The following NFAM1 variants were observed in gnomAD, a reference collection of about 807,000 sequenced individuals.
The protein encoded by NFAM1 is NFAT activation molecule 1.
In NFAM1, 17 loss-of-function variants were observed where a neutral mutation model predicts 29.0. The ratio of observed to expected loss-of-function variants is 0.59; its 90% CI spans 0.40 to 0.88. The LOEUF is 0.88. Among genes scored for constraint, NFAM1 ranks in the 40% least tolerant of loss-of-function variants. The pLI is 0.00. For missense variants in NFAM1, 324 were observed against 344.6 expected, an observed-to-expected ratio of 0.94 and a Z score of 0.47; for synonymous variants, 175 against 147.2, an observed-to-expected ratio of 1.19 and a Z score of -1.36.
chr22:42,428,165 G>A (rs932224826), intron 1 of NFAM1, among the ~76,000 whole-genome samples: 34 of 152,284 alleles, frequency 2.2e-4, no homozygotes, highest in Admixed American at 6.5e-4. Context: ...TTCCCCTGCC[G>A]TCAAGCTGAG....
chr22:42,435,777 C>T (rs149659442), upstream of NFAM1, among the ~76,000 whole-genome samples: 647 of 151,800 alleles, frequency 4.3e-3, 3 homozygotes, highest in African/African-American at 0.014. Context: ...AAACAGATCC[C>T]CTACCCACGA....
chr22:42,412,147 G>T (rs534670033), intron 1 of NFAM1, among the ~76,000 whole-genome samples: 1 of 151,914 alleles, frequency 6.6e-6, no homozygotes, highest in African/African-American at 2.4e-5. Flanking sequence ...CAGGAGAATC[G>T]CTTGAACCTG....
chr22:42,422,822 T>C (rs1406534132), intron 1 of NFAM1, among the ~76,000 whole-genome samples: 1 of 151,546 alleles, frequency 6.6e-6, no homozygotes, highest in Non-Finnish European at 1.5e-5. Flanking sequence ...CAAAATGAAG[T>C]GAGGGGAACA....
At chr22:42,411,854 T>A in intron 1 of NFAM1, 118 bp from the exon 2 acceptor site, 1 of 686,068 alleles carries the variant, frequency 1.5e-6, no homozygotes, top group Non-Finnish European at 2.5e-6. Flanking sequence ...TTCCAACACT[T>A]TGGGAGGCCG....
intron 4 of NFAM1, among the ~76,000 whole-genome samples, chr22:42,393,093 G>T (rs1929398949): frequency 6.6e-6 from 1 of 151,936 alleles, no homozygotes. Context: ...AAAACAAATT[G>T]AAGTAGTAAA....
At chr22:42,396,453 T>C (rs1929528181) in intron 4 of NFAM1, among the ~76,000 whole-genome samples, 1 of 151,954 alleles carries the variant, frequency 6.6e-6, no homozygotes, top group African/African-American at 2.4e-5. Flanking sequence ...TGGAAGAAGA[T>C]GGGATTAGGA....
intron 2 of NFAM1, 104 bp downstream of exon 2, chr22:42,411,303 G>T: frequency 1.1e-6 from 1 of 876,130 alleles, no homozygotes; most frequent in Non-Finnish European, 1.8e-6. Flanking sequence ...GGATGTGTGA[G>T]CCACTGCGCC....
intron 4 of NFAM1, 60 bp downstream of exon 4, chr22:42,397,798 A>G (rs1646728718): frequency 1.1e-6 from 1 of 947,006 alleles, no homozygotes; most frequent in Non-Finnish European, 1.7e-6. Flanking sequence ...ACCCTGGTAC[A>G]AGACAGACTC....
chr22:42,389,054 C>G (rs13055337), intron 4 of NFAM1, among the ~76,000 whole-genome samples: 31,309 of 152,148 alleles, frequency 0.21, 3,739 homozygotes, highest in African/African-American at 0.33. Flanking sequence ...CCTTCTAAGT[C>G]TCACAGATCT....
intron 1 of NFAM1, among the ~76,000 whole-genome samples, chr22:42,431,796 C>T (rs1221436343): frequency 1.3e-5 from 2 of 150,532 alleles, no homozygotes; most frequent in Admixed American, 6.6e-5. Context: ...CCCCTCTCCC[C>T]GCTCTCCCTG....
At chr22:42,415,674 TGGACCCGTGCCTCCCAGAG>T (rs1930239048) in intron 1 of NFAM1, among the ~76,000 whole-genome samples, 1 of 152,166 alleles carries the variant, frequency 6.6e-6, no homozygotes, top group Non-Finnish European at 1.5e-5. Flanking sequence ...CCCCATCTCC[TGGACCCGTGCCTCCCAGAG>T]GCCCCTTCAG....
At chr22:42,415,394 G>T (rs1310460579) in intron 1 of NFAM1, among the ~76,000 whole-genome samples, 1 of 150,680 alleles carries the variant, frequency 6.6e-6, no homozygotes, top group African/African-American at 2.5e-5. Flanking sequence ...CTACCTCCTG[G>T]GTTCACGCCA....
At position 42,397,906 on chromosome 22, in the gene NFAM1, T is replaced by C. The variant is rs56349326; in HGVS notation, c.615A>G (p.Pro205=). 2 of 1,613,036 alleles carry C rather than the reference T, an allele frequency of 1.2e-6. No homozygotes were observed. Among genetic ancestry groups the C allele is most frequent in the Non-Finnish European group, 1.7e-6 (2 of 1,179,400 alleles). ...GKDPTRKCPD[P]RSASSPKQHP... ...GCTGCTTGGGGCTGCTGGCAGATCTTGGATCTGGGCACTTCCTGGTGGGGT... is the reference window on the plus strand; with the variant it reads ...GCTGCTTGGGGCTGCTGGCAGATCTCGGATCTGGGCACTTCCTGGTGGGGT... Residue 205 remains proline, a synonymous_variant, in exon 4 of 6, where the codon CCA becomes CCG. Transcript: ENST00000329021.
In NFAM1 at chr22:42,432,371, T is replaced by C; in HGVS notation, c.-14A>G. 6.4e-7 allele frequency: 1 copy of C among 1,556,262 alleles called. No individual in the cohort carries two copies. The highest frequency in any genetic ancestry group is 8.7e-7 in the Non-Finnish European group (1 of 1,154,156). On this transcript the variant is annotated 5_prime_UTR_variant, in exon 1 of 6. Coordinates refer to ENST00000329021, the MANE Select transcript of NFAM1 (RefSeq NM_145912.8). ...CTGGTTCTCCATCTGGGGGCCTGCT[T>C]GTCTGCGGCGACTCTTTAGTTCACA...
intron 1 of NFAM1, among the ~76,000 whole-genome samples, chr22:42,430,430 G>A (rs1408729204): frequency 1.3e-5 from 2 of 151,812 alleles, no homozygotes; most frequent in Non-Finnish European, 2.9e-5. Flanking sequence ...CATGGTGGTG[G>A]GCACCTGTAG....
chr22:42,436,184 C>G (rs1158859228), upstream of NFAM1, among the ~76,000 whole-genome samples: 2 of 152,188 alleles, frequency 1.3e-5, no homozygotes, highest in African/African-American at 2.4e-5. Context: ...AGCCGGGACA[C>G]AGTGAGGTCC....
chr22:42,410,563 G>T, intron 2 of NFAM1: 1 of 273,442 alleles, frequency 3.7e-6, no homozygotes, highest in South Asian at 2.7e-5. Context: ...GGAGGCTGAG[G>T]CATGAGAATC....
At chr22:42,422,903 A>G (rs1930493973) in intron 1 of NFAM1, among the ~76,000 whole-genome samples, 1 of 151,952 alleles carries the variant, frequency 6.6e-6, no homozygotes, top group African/African-American at 2.4e-5. Context: ...TCACGAGGTC[A>G]AGAGTTTGAG....
upstream of NFAM1, among the ~76,000 whole-genome samples, chr22:42,434,999 C>G (rs533113449): frequency 3.0e-4 from 45 of 152,364 alleles, no homozygotes; most frequent in Admixed American, 1.9e-3. Flanking sequence ...CCCTGGGAAG[C>G]CTAGGGGCAC....
Sources: gnomAD v4.1 joint callset for allele counts (sites outside exome capture counted in the v4.1 genomes callset) on GRCh38, gnomAD v4.1.1 for gene constraint, MANE v1.5 for transcripts, NCBI Gene and HGNC (gene_info 2026-07-23, HGNC 2026-07-21) for gene names.